TRHDE: variants seen among roughly 807,000 people sequenced by gnomAD.
TRHDE encodes the protein thyrotropin-releasing hormone-degrading ectoenzyme.
TRHDE carries 72 observed loss-of-function variants against 125.7 expected under a neutral mutation model. The ratio of observed to expected loss-of-function variants is 0.57; its 90% confidence interval spans 0.47 to 0.70. TRHDE has a LOEUF of 0.70. Ranked by LOEUF, TRHDE falls within the 30% of genes least tolerant of loss-of-function variation. The pLI is 0.00. For missense variants in TRHDE, 1,110 were observed against 1,327.1 expected, an observed-to-expected ratio of 0.84 and a Z score of 2.54; for synonymous variants, 509 against 509.1, an observed-to-expected ratio of 1.00 and a Z score of 0.00.
chr12:72,307,655 T>C (rs974914626), intron 2 of TRHDE, among the ~76,000 whole-genome samples: 11 of 152,130 alleles, frequency 7.2e-5, no homozygotes, highest in Non-Finnish European at 1.3e-4. Context: ...ATATTTGATA[T>C]GGGTTGTGAG....
intron 2 of TRHDE, among the ~76,000 whole-genome samples, chr12:72,224,127 T>TATCTATCTATC (rs1878064946): frequency 1.8e-5 from 1 of 54,958 alleles, no homozygotes; most frequent in African/African-American, 7.3e-5. Flanking sequence ...TCTATCTATC[T>TATCTATCTATC]ATCTATCTAT....
intron 3 of TRHDE, among the ~76,000 whole-genome samples, chr12:72,450,397 TATTA>T (rs2135869001): frequency 6.6e-6 from 1 of 152,186 alleles, no homozygotes; most frequent in South Asian, 2.1e-4. Context: ...TTTTACAATT[TATTA>T]ATTAACCATT....
In TRHDE at chr12:72,499,604, AC is replaced by A. The variant is rs1878063502; in HGVS notation, c.1692del (p.Asp564GlufsTer15). The A allele has an allele frequency of 6.2e-7, 1 of 1,613,696 alleles. No homozygotes were observed. The highest frequency in any genetic ancestry group is 1.7e-5 in the Admixed American group (1 of 59,926). On this transcript the variant is annotated frameshift_variant, in exon 6 of 19. Coordinates refer to ENST00000261180, the MANE Select transcript of TRHDE (RefSeq NM_013381.3). LOFTEE classifies it high-confidence loss of function. ...GAAGTGCTGCAGGCAACAGATATTG[AC>A]AGGGTGTTTGACTGGATCGCATATA... Reference protein sequence around the residue: ...SQEVLQATDIDRVFDWIAYKK... With the variant: ...SQEVLQATDIXRVFDWIAYKK...
rs1265502447 is a variant in TRHDE, at chr12:72,576,023, GAAGACTTTAGTTGTACTATAGTAA to G, written c.2321+482_2321+505del. 1.1e-4 allele frequency among the ~76,000 whole-genome samples: 16 copies of G among 152,164 alleles called. No individual in the cohort carries two copies. The East Asian group carries it at 2.9e-3, about 28-fold the overall frequency. On this transcript the variant is annotated intron_variant, in intron 12 of 18. Transcript: ENST00000261180. ...TGACAAAATATATATCAATCTTGTAGAAGACTTTAGTTGTACTATAGTAATATTTGTGTTATTTTAATAATTAGA... is the reference window on the plus strand; with the variant it reads ...TGACAAAATATATATCAATCTTGTAGTATTTGTGTTATTTTAATAATTAGA...
intron 3 of TRHDE, among the ~76,000 whole-genome samples, chr12:72,461,021 A>G (rs966650944): frequency 2.6e-5 from 4 of 152,202 alleles, no homozygotes; most frequent in African/African-American, 9.7e-5. Context: ...AATGAAAAAA[A>G]AATCTTTTGA....
chr12:72,462,629 G>T (rs1342473600), intron 3 of TRHDE, among the ~76,000 whole-genome samples: 2 of 152,182 alleles, frequency 1.3e-5, no homozygotes, highest in Admixed American at 6.5e-5. Flanking sequence ...CAAATGAACA[G>T]TTAAGATTAA....
intron 2 of TRHDE, among the ~76,000 whole-genome samples, chr12:72,164,877 C>A (rs552305134): frequency 2.0e-4 from 30 of 152,246 alleles, no homozygotes; most frequent in African/African-American, 7.0e-4. Flanking sequence ...AATCTCTGGG[C>A]CGGCCACTTC....
At chr12:72,589,923 G>A (rs553331204) in intron 12 of TRHDE, among the ~76,000 whole-genome samples, 2 of 151,524 alleles carry the variant, frequency 1.3e-5, no homozygotes, top group Admixed American at 1.3e-4. Flanking sequence ...ACTTCTGTCT[G>A]CTTAAAATTT....
intron 3 of TRHDE, chr12:72,432,056 G>A (rs1198344468): frequency 6.4e-5 from 10 of 155,164 alleles, no homozygotes; most frequent in Non-Finnish European, 1.4e-5. Flanking sequence ...CAGGTGGTCT[G>A]CTTTATATAA....
chr12:72,526,205 A>G (rs1052391258), intron 6 of TRHDE, among the ~76,000 whole-genome samples: 1 of 152,090 alleles, frequency 6.6e-6, no homozygotes, highest in Non-Finnish European at 1.5e-5. Flanking sequence ...TTGCTGCATG[A>G]TAGTTTATAT....
At chr12:72,323,680 C>T (rs1268463449) in intron 2 of TRHDE, among the ~76,000 whole-genome samples, 2 of 152,178 alleles carry the variant, frequency 1.3e-5, no homozygotes, top group East Asian at 1.9e-4. Context: ...GTGAACGGAG[C>T]CTATCCAATT....
chr12:72,403,494 T>G (rs1274544844), intron 3 of TRHDE, among the ~76,000 whole-genome samples: 1 of 152,180 alleles, frequency 6.6e-6, no homozygotes, highest in African/African-American at 2.4e-5. Flanking sequence ...GTCCTAATAT[T>G]TTTCACATAT....
chr12:72,347,756 C>G (rs1182490739), intron 2 of TRHDE, among the ~76,000 whole-genome samples: 4 of 152,080 alleles, frequency 2.6e-5, no homozygotes, highest in African/African-American at 7.2e-5. Context: ...AACACAACAG[C>G]TGGCTTCAAG....
At chr12:72,353,470 C>T (rs1870677683) in intron 2 of TRHDE, among the ~76,000 whole-genome samples, 1 of 151,370 alleles carries the variant, frequency 6.6e-6, no homozygotes, top group African/African-American at 2.4e-5. Context: ...TGACAGCTAA[C>T]ATTTTCTTGT....
chr12:72,452,436 C>T (rs1875624767), intron 3 of TRHDE, among the ~76,000 whole-genome samples: 1 of 152,102 alleles, frequency 6.6e-6, no homozygotes, highest in African/African-American at 2.4e-5. Flanking sequence ...TTTATTTCTT[C>T]TCTTGCCTAA....
chr12:72,155,293 A>G (rs1335568639), intron 2 of TRHDE, among the ~76,000 whole-genome samples: 21 of 152,050 alleles, frequency 1.4e-4, no homozygotes, highest in Non-Finnish European at 4.4e-5. Context: ...TTAGCCATTC[A>G]TCTAATTTTT....
intron 2 of TRHDE, among the ~76,000 whole-genome samples, chr12:72,366,486 C>T (rs1041006349): frequency 6.6e-6 from 1 of 152,038 alleles, no homozygotes; most frequent in Non-Finnish European, 1.5e-5. Flanking sequence ...CTAGAGTGGA[C>T]AAGTACCTTC....
At chr12:72,233,153 C>T (rs1052518111) in intron 2 of TRHDE, among the ~76,000 whole-genome samples, 1 of 152,174 alleles carries the variant, frequency 6.6e-6, no homozygotes, top group African/African-American at 2.4e-5. Context: ...GTTATACACA[C>T]AACCTTTAGT....
intron 2 of TRHDE, among the ~76,000 whole-genome samples, chr12:72,177,018 G>A (rs1020793586): frequency 1.3e-5 from 2 of 151,994 alleles, no homozygotes; most frequent in Non-Finnish European, 2.9e-5. Flanking sequence ...ACAAGTGAGC[G>A]GTGATATTCT....
Sources: allele counts gnomAD v4.1 joint callset (sites outside exome capture counted in the v4.1 genomes callset), GRCh38; gene constraint gnomAD v4.1.1; transcripts MANE v1.5; gene names NCBI Gene and HGNC (gene_info 2026-07-23, HGNC 2026-07-21).